SNX29: variants seen among roughly 807,000 people sequenced by gnomAD.
SNX29 encodes the protein sorting nexin-29.
SNX29 carries 78 observed loss-of-function variants against 102.1 expected under a neutral mutation model. The observed-to-expected ratio is 0.76, with a 90% CI of 0.64 to 0.92. SNX29 has a LOEUF of 0.92. Ranked by LOEUF, SNX29 falls within the 40% of genes least tolerant of loss-of-function variation. The pLI is 0.00. For missense variants in SNX29, 1,280 were observed against 1,061.7 expected (o/e 1.21, Z -2.86); for synonymous variants, 580 against 414.5 (o/e 1.40, Z -4.85).
chr16:12,174,699 C>T (rs896976302), intron 13 of SNX29, among the ~76,000 whole-genome samples: 19 of 152,142 alleles, frequency 1.2e-4, no homozygotes, highest in Admixed American at 5.9e-4. Flanking sequence ...TTATTTTCCA[C>T]GTGATAATGC....
chr16:12,039,953 A>G (rs964496090), intron 4 of SNX29, among the ~76,000 whole-genome samples: 44 of 152,238 alleles, frequency 2.9e-4, no homozygotes, highest in African/African-American at 1.0e-3. Flanking sequence ...TGCTCAGTAA[A>G]TAGTAGTTGC....
intron 18 of SNX29, among the ~76,000 whole-genome samples, chr16:12,449,314 C>T (rs1337923781): frequency 2.0e-5 from 3 of 151,734 alleles, no homozygotes; most frequent in Admixed American, 1.3e-4. Flanking sequence ...TAGAACTTAG[C>T]CAGGCAAAGA....
chr16:12,114,258 G>C (rs1369750570), intron 11 of SNX29, among the ~76,000 whole-genome samples: 1 of 152,198 alleles, frequency 6.6e-6, no homozygotes, highest in Non-Finnish European at 1.5e-5. Context: ...AGGTACAGCT[G>C]CAAGTAGGCG....
At chr16:12,367,708 A>G (rs1417668177) in intron 16 of SNX29, among the ~76,000 whole-genome samples, 2 of 152,250 alleles carry the variant, frequency 1.3e-5, no homozygotes, top group Admixed American at 1.3e-4. Context: ...CTAATGATCA[A>G]GTACCAAACT....
intron 3 of SNX29, among the ~76,000 whole-genome samples, chr16:12,018,919 T>C (rs909845405): frequency 2.6e-5 from 4 of 152,094 alleles, no homozygotes; most frequent in African/African-American, 9.6e-5. Flanking sequence ...GCAGTGTTTT[T>C]ACATTTGTGG....
At chr16:12,222,522 G>C (rs774541774) in intron 14 of SNX29, among the ~76,000 whole-genome samples, 1 of 152,224 alleles carries the variant, frequency 6.6e-6, no homozygotes, top group East Asian at 1.9e-4. Flanking sequence ...AGGAAGAAGA[G>C]TGGGGCTGGC....
At chr16:12,006,971 A>T (rs1232265682) in intron 3 of SNX29, among the ~76,000 whole-genome samples, 2 of 152,166 alleles carry the variant, frequency 1.3e-5, no homozygotes, top group Admixed American at 1.3e-4. Flanking sequence ...AAAATGCCAT[A>T]GCCTACGTTA....
intron 13 of SNX29, among the ~76,000 whole-genome samples, chr16:12,147,395 C>T (rs138519153): frequency 1.4e-4 from 22 of 152,268 alleles, no homozygotes; most frequent in African/African-American, 2.6e-4. Flanking sequence ...GAAAAGGTTA[C>T]GGTAATTATT....
intron 19 of SNX29, among the ~76,000 whole-genome samples, chr16:12,498,793 A>G (rs963564149): frequency 5.9e-5 from 9 of 152,218 alleles, no homozygotes; most frequent in African/African-American, 2.2e-4. Flanking sequence ...TCAATTTGCA[A>G]ATTAAAACAA....
intron 20 of SNX29, among the ~76,000 whole-genome samples, chr16:12,535,125 C>T (rs776468756): frequency 2.6e-5 from 4 of 152,128 alleles, no homozygotes; most frequent in Non-Finnish European, 5.9e-5. Flanking sequence ...CGCCAGGGTC[C>T]AGGTATTAGG....
At chr16:12,088,895 C>CT (rs1596836356) in intron 11 of SNX29, among the ~76,000 whole-genome samples, 1 of 152,112 alleles carries the variant, frequency 6.6e-6, no homozygotes, top group Non-Finnish European at 1.5e-5. Flanking sequence ...CGAGACCAGC[C>CT]TGGCCAACAC....
chr16:11,995,748 C>T (rs977210390), intron 1 of SNX29, among the ~76,000 whole-genome samples: 1 of 151,816 alleles, frequency 6.6e-6, no homozygotes, highest in African/African-American at 2.4e-5. Flanking sequence ...GCAGTGTCAG[C>T]TCCACTGGAA....
chr16:12,326,490 T>C (rs978158915), intron 15 of SNX29, among the ~76,000 whole-genome samples: 34 of 152,184 alleles, frequency 2.2e-4, no homozygotes, highest in African/African-American at 7.0e-4. Flanking sequence ...GTGATGGCCA[T>C]GTGGTCTCTG....
intron 18 of SNX29, among the ~76,000 whole-genome samples, chr16:12,466,250 A>G (rs78435057): frequency 6.6e-6 from 1 of 152,206 alleles, no homozygotes; most frequent in Non-Finnish European, 1.5e-5. Flanking sequence ...AACCTTAAAG[A>G]TGCCACCAAA....
chr16:12,113,381 A>C (rs908253152), intron 11 of SNX29, among the ~76,000 whole-genome samples: 1 of 152,068 alleles, frequency 6.6e-6, no homozygotes, highest in Non-Finnish European at 1.5e-5. Flanking sequence ...TCCTGACTAC[A>C]TGGCTCCTGT....
chr16:12,555,372 G>A (rs74010786), intron 20 of SNX29, among the ~76,000 whole-genome samples: 6,263 of 152,038 alleles, frequency 0.041, 427 homozygotes, highest in East Asian at 0.17. Flanking sequence ...CCCATGAGGC[G>A]CTCCCTGTCT....
At chr16:12,047,798 T>C (rs2050148895) in intron 6 of SNX29, among the ~76,000 whole-genome samples, 1 of 151,922 alleles carries the variant, frequency 6.6e-6, no homozygotes, top group Admixed American at 6.6e-5. Context: ...GCTGGGATTA[T>C]AGGCATGCAC....
intron 13 of SNX29, among the ~76,000 whole-genome samples, chr16:12,132,996 G>C (rs564725554): frequency 1.3e-5 from 2 of 152,298 alleles, no homozygotes; most frequent in African/African-American, 4.8e-5. Flanking sequence ...TGGCTTGCTC[G>C]GGCAGTTGTT....
intron 20 of SNX29, among the ~76,000 whole-genome samples, chr16:12,559,397 C>T (rs1185298377): frequency 6.6e-6 from 1 of 151,260 alleles, no homozygotes; most frequent in Non-Finnish European, 1.5e-5. Context: ...CCCATCGCCC[C>T]CTGAAGGGAC....
Sources: allele counts gnomAD v4.1 joint callset (sites outside exome capture counted in the v4.1 genomes callset), GRCh38; gene constraint gnomAD v4.1.1; transcripts MANE v1.5; gene names NCBI Gene and HGNC (gene_info 2026-07-23, HGNC 2026-07-21).